Variants in ITFG1 observed in about 807,000 individuals in gnomAD.
The protein encoded by ITFG1 is integrin alpha FG-GAP repeat containing 1.
ITFG1 carries 34 observed loss-of-function variants against 81.8 expected under a neutral mutation model. The ratio of observed to expected loss-of-function variants is 0.42; its 90% CI spans 0.32 to 0.55. The LOEUF is 0.55. ITFG1 is among the 20% of genes least tolerant of loss of function. The probability of loss-of-function intolerance (pLI) is 0.17; values close to 1 mark genes in which losing one functional copy is unlikely to be tolerated. For missense variants in ITFG1, 672 were observed against 755.4 expected (o/e 0.89, Z 1.29); for synonymous variants, 285 against 270.6 (o/e 1.05, Z -0.52).
Position 47,460,941 on chromosome 16 carries a change from G to A in ITFG1, c.105C>T (p.His35=), listed in dbSNP as rs1168725847. The A allele has an allele frequency of 1.2e-6, 2 of 1,611,592 alleles. No homozygotes were observed. Among genetic ancestry groups the A allele is most frequent in the Non-Finnish European group, 1.7e-6 (2 of 1,179,324 alleles). ...GVGPVPARAL[H]NVTAELFGAE... ...CCCCAAAGAGCTCGGCCGTGACGTT[G>A]TGCAGCGCCCGCGCTGGGACCGGCC... Residue 35 remains histidine (H), a synonymous_variant, in exon 1 of 18, where the codon CAC becomes CAT. Coordinates refer to ENST00000320640, the MANE Select transcript of ITFG1 (RefSeq NM_030790.5).
At position 47,357,659 on chromosome 16, in the gene ITFG1, C is replaced by T. The variant is rs371449275; in HGVS notation, c.802+8129G>A. On this transcript the variant is annotated intron_variant, in intron 8 of 17. Transcript: ENST00000320640. ...AATTAAATGCAATGCACAGTATAGT[C>T]TTGAGAATACAATATGTCAGAGGTA... Among the ~76,000 whole-genome samples, 10 of 150,614 alleles carry T rather than the reference C, an allele frequency of 6.6e-5. No homozygotes were observed. The East Asian group carries it at 1.9e-3, about 29-fold the overall frequency.
intron 8 of ITFG1, among the ~76,000 whole-genome samples, chr16:47,341,111 G>C (rs1967775768): frequency 6.6e-6 from 1 of 151,828 alleles, no homozygotes; most frequent in Non-Finnish European, 1.5e-5. Flanking sequence ...AGAATCACTA[G>C]GGAAATGAGA....
At chr16:47,220,654 A>C (rs1347041741) in intron 13 of ITFG1, among the ~76,000 whole-genome samples, 2 of 152,240 alleles carry the variant, frequency 1.3e-5, no homozygotes, top group African/African-American at 2.4e-5. Context: ...AAATGTGTTA[A>C]CATGAGGAAG....
intron 1 of ITFG1, among the ~76,000 whole-genome samples, chr16:47,460,254 C>A (rs1969511973): frequency 6.6e-6 from 1 of 152,158 alleles, no homozygotes; most frequent in Non-Finnish European, 1.5e-5. Flanking sequence ...GTGGTCCCTG[C>A]AAAATGCTTG....
chr16:47,165,303 T>A (rs1964875682), intron 14 of ITFG1, among the ~76,000 whole-genome samples: 2 of 152,214 alleles, frequency 1.3e-5, no homozygotes, highest in African/African-American at 4.8e-5. Flanking sequence ...GAAAGTATAT[T>A]TACCTGATTA....
At chr16:47,395,280 G>C (rs1968580103) in intron 6 of ITFG1, among the ~76,000 whole-genome samples, 1 of 151,998 alleles carries the variant, frequency 6.6e-6, no homozygotes, top group Non-Finnish European at 1.5e-5. Flanking sequence ...AAATTATGAT[G>C]ACATTTTGCT....
At chr16:47,304,136 T>C (rs915045664) in intron 10 of ITFG1, among the ~76,000 whole-genome samples, 3 of 152,234 alleles carry the variant, frequency 2.0e-5, no homozygotes, top group Non-Finnish European at 2.9e-5. Context: ...TAGCCATCAG[T>C]TCTTTCCGTA....
intron 10 of ITFG1, among the ~76,000 whole-genome samples, chr16:47,309,180 T>C (rs961274388): frequency 6.6e-6 from 1 of 151,840 alleles, no homozygotes. Context: ...GTGATTCTCC[T>C]GCTTCAGCCT....
At chr16:47,404,797 A>G (rs1486110989) in intron 6 of ITFG1, among the ~76,000 whole-genome samples, 1 of 152,158 alleles carries the variant, frequency 6.6e-6, no homozygotes, top group African/African-American at 2.4e-5. Context: ...TTCACTTGTA[A>G]TCAAAGCAGT....
intron 13 of ITFG1, 40 bp from the exon 14 acceptor site, chr16:47,218,986 A>T: frequency 7.0e-6 from 10 of 1,421,508 alleles, no homozygotes; most frequent in Non-Finnish European, 9.6e-6. Flanking sequence ...TTGGAAAATA[A>T]GTGAATTATT....
chr16:47,439,879 G>T (rs1399443256), intron 5 of ITFG1, among the ~76,000 whole-genome samples: 1 of 152,078 alleles, frequency 6.6e-6, no homozygotes, highest in South Asian at 2.1e-4. Context: ...CAATTAAAAG[G>T]CACGGACTGG....
intron 8 of ITFG1, among the ~76,000 whole-genome samples, chr16:47,320,513 A>G (rs1269128518): frequency 6.6e-6 from 1 of 152,210 alleles, no homozygotes; most frequent in Non-Finnish European, 1.5e-5. Flanking sequence ...TTACAGATGG[A>G]TATCTGGTTA....
chr16:47,169,923 A>C (rs1230255919), intron 14 of ITFG1, among the ~76,000 whole-genome samples: 3 of 152,190 alleles, frequency 2.0e-5, no homozygotes. Context: ...AATTTTTTTT[A>C]GTATCTATTG....
At chr16:47,188,515 A>G (rs1965252917) in intron 14 of ITFG1, among the ~76,000 whole-genome samples, 1 of 150,454 alleles carries the variant, frequency 6.6e-6, no homozygotes, top group East Asian at 2.0e-4. Flanking sequence ...TTGCAAGAAC[A>G]AAAAACCAAA....
chr16:47,461,145 C>A, upstream of ITFG1: 1 of 1,192,598 alleles, frequency 8.4e-7, no homozygotes, highest in Non-Finnish European at 1.1e-6. Flanking sequence ...AGCCCCGGGA[C>A]GCGTAAGAGC....
intron 13 of ITFG1, among the ~76,000 whole-genome samples, chr16:47,230,072 T>C (rs1453820444): frequency 6.6e-6 from 1 of 152,146 alleles, no homozygotes; most frequent in Non-Finnish European, 1.5e-5. Context: ...AGAAGGTGCA[T>C]AGGGTTCAGT....
chr16:47,168,554 T>G (rs1052768206), intron 14 of ITFG1, among the ~76,000 whole-genome samples: 13 of 149,076 alleles, frequency 8.7e-5, no homozygotes, highest in South Asian at 4.3e-4. Flanking sequence ...AGTTTTTTTT[T>G]TTTTTTTTTT....
rs750975663 is a variant in ITFG1 at position 47,162,661 on chromosome 16, C to T, written c.1457G>A (p.Gly486Asp). The part of the protein sequence containing the change: ...ANGYLKNGSA[G>D]QLSQSAHLAL... The stretch of plus-strand genomic sequence containing the variant: ...TAAATGTGCGGATTGGCTGAGTTGG[C>T]CAGCTAGAGTTATTCAATTAAAAAA... The change falls in exon 15 of 18, where the codon GGC becomes GAC. Residue 486 changes from glycine to aspartate, a missense_variant. Gly to Asp is a moderately conservative substitution (Grantham distance 94). This residue lies in a region of ITFG1 where 560 missense variants were observed against 625.7 expected (regional missense o/e 0.90). Coordinates refer to ENST00000320640, the MANE Select transcript of ITFG1 (RefSeq NM_030790.5). 1.3e-5 allele frequency: 21 copies of T among 1,593,350 alleles called. No homozygotes were observed. Among genetic ancestry groups the T allele is most frequent in the Non-Finnish European group, 1.7e-5 (20 of 1,170,960 alleles).
chr16:47,435,893 G>T, intron 5 of ITFG1, among the ~76,000 whole-genome samples: 1 of 151,902 alleles, frequency 6.6e-6, no homozygotes. Flanking sequence ...GGTAATATTT[G>T]AATCTATTAT....
Sources: gnomAD v4.1 joint callset for allele counts (sites outside exome capture counted in the v4.1 genomes callset) on GRCh38, gnomAD v4.1.1 for gene constraint, gnomAD v4.1.1 regional missense constraint, MANE v1.5 for transcripts, NCBI Gene and HGNC (gene_info 2026-07-23, HGNC 2026-07-21) for gene names.